Variants in DYSF observed in about 807,000 individuals in gnomAD.
DYSF encodes dysferlin.
Under a neutral mutation model 274.9 loss-of-function variants are expected in DYSF, and 212 were observed. The ratio of observed to expected loss-of-function variants is 0.77; its 90% CI spans 0.69 to 0.86. The LOEUF (loss-of-function observed/expected upper bound fraction) is 0.86. DYSF is among the 40% of genes least tolerant of loss of function. The pLI is 0.00. For missense variants in DYSF, 2,666 were observed against 2,783.2 expected, an observed-to-expected ratio of 0.96 and a Z score of 0.95; for synonymous variants, 1,091 against 1,078.7, an observed-to-expected ratio of 1.01 and a Z score of -0.22.
At chr2:71,526,416 GATGGCGGGC>G in intron 13 of DYSF, 70 bp downstream of exon 13, 1 of 513,690 alleles carries the variant, frequency 1.9e-6, no homozygotes, top group Non-Finnish European at 3.7e-6. Context: ...GGGGGTGGGC[GATGGCGGGC>G]GGGGTCAGCT....
chr2:71,551,048 C>G lies in DYSF; in HGVS notation c.1584C>G (p.Asp528Glu). ...GCCACTTGTGTCTCCCAGTGGATGA[C>G]TACCTGGGCTTCCTCCCCACTTTTG... The part of the protein sequence containing the change: ...SAPGGEIEVD[D>E]YLGFLPTFGP... The change falls in exon 18 of 56, where the codon GAC becomes GAG. Residue 528 changes from aspartate (D) to glutamate (E), a missense_variant. This residue lies in a region of DYSF where 794 missense variants were observed against 777.1 expected (regional missense o/e 1.02). Coordinates refer to ENST00000410020, the MANE Select transcript of DYSF (RefSeq NM_001130987.2). 6 of 1,614,058 alleles carry G rather than the reference C, an allele frequency of 3.7e-6. No homozygotes were observed. The highest frequency in any genetic ancestry group is 5.1e-6 in the Non-Finnish European group (6 of 1,179,922).
At chr2:71,492,955 C>A (rs777798456) in intron 3 of DYSF, among the ~76,000 whole-genome samples, 28 of 152,098 alleles carry the variant, frequency 1.8e-4, no homozygotes, top group Non-Finnish European at 3.8e-4. Context: ...GAACAAGGCT[C>A]ACTGTAGCCT....
intron 19 of DYSF, 48 bp downstream of exon 19, chr2:71,551,768 G>A: frequency 6.7e-7 from 1 of 1,488,876 alleles, no homozygotes. Flanking sequence ...GGCAGGGAAG[G>A]GATGGCCAGG....
rs1195681188 is a variant in DYSF, at chr2:71,601,624, G to A, written c.3927+96G>A. 5.9e-6 allele frequency: 9 copies of A among 1,535,824 alleles called. No individual in the cohort carries two copies. In the East Asian group the frequency reaches 6.8e-5, roughly 12 times the overall value. The stretch of plus-strand genomic sequence containing the variant: ...TTAGGAAGGGTGGCCAGGCATTACC[G>A]CGATCCTGCCTCAAGCCCCCGGGGA... On this transcript the variant is annotated intron_variant, in intron 35 of 55. Transcript: ENST00000410020.
At chr2:71,656,569 C>T (rs2152938214) in intron 43 of DYSF, among the ~76,000 whole-genome samples, 1 of 152,176 alleles carries the variant, frequency 6.6e-6, no homozygotes, top group Middle Eastern at 3.4e-3. Flanking sequence ...TGTTTTTAGT[C>T]TGTTTTCATG....
chr2:71,618,331 G>A (rs1006033817), intron 40 of DYSF, among the ~76,000 whole-genome samples: 4 of 19,388 alleles, frequency 2.1e-4, no homozygotes, highest in Non-Finnish European at 3.9e-4. Context: ...GTAGAGATGG[G>A]GTGTGTGTGT....
In DYSF at chr2:71,659,047, A is replaced by T; in HGVS notation, c.4911+14A>T. On this transcript the variant is annotated intron_variant, in intron 44 of 55. Coordinates refer to ENST00000410020, the MANE Select transcript of DYSF (RefSeq NM_001130987.2). ...CCCAATGGAAAGGTAACTTTCCTAG[A>T]GCCCTCACCTCCCCCAGAGTAGCAG... is the stretch of plus-strand genomic sequence containing the variant. 1 of 1,614,114 alleles carries T rather than the reference A, an allele frequency of 6.2e-7. No individual in the cohort carries two copies.
chr2:71,583,782 G>A (rs781454988), intron 30 of DYSF, among the ~76,000 whole-genome samples: 12 of 152,178 alleles, frequency 7.9e-5, no homozygotes, highest in Non-Finnish European at 1.5e-4. Context: ...CCCTTTGTAG[G>A]CTGTGTTTCC....
intron 52 of DYSF, among the ~76,000 whole-genome samples, chr2:71,678,732 T>C (rs2095257967): frequency 6.6e-6 from 1 of 152,184 alleles, no homozygotes; most frequent in African/African-American, 2.4e-5. Context: ...AAAATTGATG[T>C]ATGGCTGTTT....
chr2:71,551,289 T>G (rs2090925644), intron 18 of DYSF, 133 bp downstream of exon 18: 2 of 884,048 alleles, frequency 2.3e-6, no homozygotes, highest in East Asian at 5.2e-5. Context: ...CAGGGAGTTC[T>G]CCTTCTGCCC....
At chr2:71,526,463 A>G in intron 13 of DYSF, 117 bp downstream of exon 13, 1 of 1,419,586 alleles carries the variant, frequency 7.0e-7, no homozygotes, top group Non-Finnish European at 9.4e-7. Flanking sequence ...GCGTCTAGGA[A>G]AACAATCAGA....
In DYSF at chr2:71,621,911, G is replaced by A. The variant is rs1357098067; in HGVS notation, c.4527+1302G>A. Among the ~76,000 whole-genome samples the A allele has an allele frequency of 3.3e-5, 5 of 151,924 alleles. No homozygotes were observed. The East Asian group carries it at 9.7e-4, about 29-fold the overall frequency. ...CCTGATCTCATGATCTGCCCGCCTC[G>A]GCCTCCCAAAGTGCTGGGATTACAG... On this transcript the variant is annotated intron_variant, in intron 41 of 55. Coordinates refer to ENST00000410020, the MANE Select transcript of DYSF (RefSeq NM_001130987.2).
intron 41 of DYSF, among the ~76,000 whole-genome samples, chr2:71,621,553 A>G (rs929137710): frequency 1.3e-5 from 2 of 151,914 alleles, no homozygotes; most frequent in Non-Finnish European, 2.9e-5. Flanking sequence ...AATTGGAATC[A>G]TACTTTTTTA....
At chr2:71,543,740 CAATCGCAGG>C (rs1195964763) in intron 17 of DYSF, among the ~76,000 whole-genome samples, 1 of 152,196 alleles carries the variant, frequency 6.6e-6, no homozygotes, top group Non-Finnish European at 1.5e-5. Flanking sequence ...CGCGCGCCTG[CAATCGCAGG>C]CACTCGGCAG....
At chr2:71,483,784 G>T (rs958057508) in intron 3 of DYSF, among the ~76,000 whole-genome samples, 2 of 152,084 alleles carry the variant, frequency 1.3e-5, no homozygotes, top group Admixed American at 6.5e-5. Context: ...GCTAGTGATG[G>T]CAGAGCTGTG....
At chr2:71,533,689 A>G (rs962196703) in intron 14 of DYSF, among the ~76,000 whole-genome samples, 1 of 152,202 alleles carries the variant, frequency 6.6e-6, no homozygotes, top group Non-Finnish European at 1.5e-5. Context: ...ATAGTGGCCA[A>G]TTGTCCTCTG....
chr2:71,622,130 G>GTGTTTTTTTTTTTTTTTTT (rs775688599), intron 41 of DYSF, among the ~76,000 whole-genome samples: 1 of 97,004 alleles, frequency 1.0e-5, no homozygotes, highest in Admixed American at 1.3e-4. Context: ...TGATTTCTTT[G>GTGTTTTTTTTTTTTTTTTT]TTTTTTTTTT....
chr2:71,522,155 C>T (rs2087351969), intron 12 of DYSF, among the ~76,000 whole-genome samples: 2 of 151,966 alleles, frequency 1.3e-5, no homozygotes, highest in Non-Finnish European at 2.9e-5. Flanking sequence ...TCAAGATTTC[C>T]CCATCCTAAA....
At chr2:71,507,838 G>A (rs931390518) in intron 4 of DYSF, among the ~76,000 whole-genome samples, 2 of 152,222 alleles carry the variant, frequency 1.3e-5, no homozygotes, top group Non-Finnish European at 2.9e-5. Context: ...TTTCCATCTT[G>A]AAATTCTTAA....
Sources: gnomAD v4.1 joint callset for allele counts (sites outside exome capture counted in the v4.1 genomes callset) on GRCh38, gnomAD v4.1.1 for gene constraint, gnomAD v4.1.1 regional missense constraint, MANE v1.5 for transcripts, NCBI Gene and HGNC (gene_info 2026-07-23, HGNC 2026-07-21) for gene names.